Variants in EYS observed in about 807,000 individuals in gnomAD.
The protein encoded by EYS is EGF-like photoreceptor maintenance factor.
In EYS, 250 loss-of-function variants were observed where a neutral mutation model predicts 282.1. That is an observed-to-expected ratio of 0.89 (90% CI 0.80 to 0.98). EYS has a LOEUF of 0.98. EYS is among the 50% of genes least tolerant of loss of function. The pLI, the probability that EYS is intolerant of heterozygous loss-of-function variation, is 0.00. For synonymous variants in EYS, 1,355 were observed against 1,282.9 expected, an observed-to-expected ratio of 1.06 and a Z score of -1.20; for missense variants, 4,016 against 3,709.0, an observed-to-expected ratio of 1.08 and a Z score of -2.15.
At chr6:64,602,088 GACT>G (rs1766779784) in intron 24 of EYS, among the ~76,000 whole-genome samples, 1 of 151,792 alleles carries the variant, frequency 6.6e-6, no homozygotes, top group Non-Finnish European at 1.5e-5. Flanking sequence ...TTTTCCTTCT[GACT>G]ACTATAGTTT....
chr6:65,415,141 C>G (rs1315241593), intron 5 of EYS, among the ~76,000 whole-genome samples: 3 of 152,040 alleles, frequency 2.0e-5, no homozygotes, highest in African/African-American at 7.2e-5. Flanking sequence ...ATTAGTAGAA[C>G]TGTTTCTATG....
chr6:63,847,864 A>G (rs1772139891), intron 36 of EYS, among the ~76,000 whole-genome samples: 1 of 152,236 alleles, frequency 6.6e-6, no homozygotes, highest in African/African-American at 2.4e-5. Context: ...GCTCTTTGTC[A>G]AATGTTGAAT....
intron 34 of EYS, among the ~76,000 whole-genome samples, chr6:63,985,262 G>A (rs1404023199): frequency 6.6e-6 from 1 of 151,654 alleles, no homozygotes; most frequent in Non-Finnish European, 1.5e-5. Context: ...TCAGGGTGAT[G>A]CATCTATGGG....
chr6:64,119,063 T>C (rs1350899559), intron 31 of EYS, among the ~76,000 whole-genome samples: 1 of 152,130 alleles, frequency 6.6e-6, no homozygotes, highest in East Asian at 1.9e-4. Flanking sequence ...AATTATATCA[T>C]GTGCATTCTG....
intron 28 of EYS, among the ~76,000 whole-genome samples, chr6:64,396,523 A>T (rs1773383832): frequency 6.6e-6 from 1 of 151,846 alleles, no homozygotes; most frequent in Non-Finnish European, 1.5e-5. Context: ...GTTGTTCCTG[A>T]CTTACTCCAT....
chr6:64,417,136 A>G (rs557091529), intron 28 of EYS, among the ~76,000 whole-genome samples: 5 of 152,202 alleles, frequency 3.3e-5, no homozygotes, highest in African/African-American at 1.2e-4. Context: ...GCTTTTATAC[A>G]TTACAGTGAA....
At chr6:64,006,191 G>A (rs1044580803) in intron 33 of EYS, among the ~76,000 whole-genome samples, 3 of 151,880 alleles carry the variant, frequency 2.0e-5, no homozygotes, top group Non-Finnish European at 2.9e-5. Context: ...TTACCTCACT[G>A]GTTAGCTGTA....
intron 30 of EYS, among the ~76,000 whole-genome samples, chr6:64,272,270 T>C (rs192031308): frequency 1.1e-4 from 17 of 152,316 alleles, no homozygotes; most frequent in African/African-American, 2.9e-4. Flanking sequence ...TTTAGCCTGT[T>C]TACATTTAAG....
At chr6:65,071,353 T>C (rs1384172464) in intron 12 of EYS, among the ~76,000 whole-genome samples, 2 of 151,888 alleles carry the variant, frequency 1.3e-5, no homozygotes, top group Non-Finnish European at 2.9e-5. Context: ...GTTTGGAATA[T>C]GCACTTAAAG....
At chr6:64,576,158 G>A (rs532701746) in intron 26 of EYS, among the ~76,000 whole-genome samples, 1 of 152,154 alleles carries the variant, frequency 6.6e-6, no homozygotes, top group South Asian at 2.1e-4. Flanking sequence ...CTTTAGTGTG[G>A]TAGCATTTAC....
chr6:65,057,426 T>C (rs2150157564), intron 13 of EYS, among the ~76,000 whole-genome samples, 188 bp downstream of exon 13: 1 of 152,286 alleles, frequency 6.6e-6, no homozygotes, highest in Non-Finnish European at 1.5e-5. Context: ...TTAGTGTGTA[T>C]GTAAACAAAA....
chr6:64,657,932 T>A, intron 22 of EYS, among the ~76,000 whole-genome samples: 1 of 152,200 alleles, frequency 6.6e-6, no homozygotes. Flanking sequence ...TTCTCCTGGA[T>A]AATATCCTGC....
chr6:65,192,293 C>CTGTGTGTGTGTGTGTG (rs58238401), intron 12 of EYS, among the ~76,000 whole-genome samples: 5,160 of 142,794 alleles, frequency 0.036, 110 homozygotes, highest in Middle Eastern at 0.067. Flanking sequence ...TTTTTCTACT[C>CTGTGTGTGTGTGTGTG]TGTGTGTGTG....
intron 14 of EYS, among the ~76,000 whole-genome samples, chr6:64,957,911 AT>A (rs1769765652): frequency 6.6e-6 from 1 of 152,156 alleles, no homozygotes; most frequent in Non-Finnish European, 1.5e-5. Flanking sequence ...TAAATAGTTC[AT>A]TTAATCACCT....
At chr6:64,342,722 C>A (rs1428873484) in intron 29 of EYS, among the ~76,000 whole-genome samples, 2 of 151,958 alleles carry the variant, frequency 1.3e-5, no homozygotes, top group African/African-American at 4.8e-5. Flanking sequence ...ACAATACTAA[C>A]CTTAAATGTA....
chr6:65,076,986 A>G (rs1380399194), intron 12 of EYS, among the ~76,000 whole-genome samples: 15 of 152,050 alleles, frequency 9.9e-5, no homozygotes, highest in Non-Finnish European at 2.2e-4. Context: ...GGGCCTTAGA[A>G]GGAATAACAG....
chr6:64,100,686 ACTT>A lies in EYS; in HGVS notation c.6425-18687_6425-18685del, dbSNP rs559799424. Among the ~76,000 whole-genome samples the A allele has an allele frequency of 3.0e-3, 460 of 152,280 alleles. 3 individuals are homozygous for A. Among genetic ancestry groups the A allele is most frequent in the African/African-American group, 0.01 (427 of 41,568 alleles). ...AATATCCTGACACTTTCATACTGGC[ACTT>A]CTTATATTTCTAGTTGAGAATTTCT... On this transcript the variant is annotated intron_variant, in intron 31 of 42. Coordinates refer to ENST00000503581, the MANE Select transcript of EYS (RefSeq NM_001142800.2).
At chr6:63,998,634 C>A (rs532685269) in intron 34 of EYS, among the ~76,000 whole-genome samples, 1 of 152,258 alleles carries the variant, frequency 6.6e-6, no homozygotes, top group African/African-American at 2.4e-5. Flanking sequence ...TTAATTTAGA[C>A]TCATTCAATG....
At chr6:63,760,670 A>ATCTATCTG (rs1349690431) in intron 41 of EYS, among the ~76,000 whole-genome samples, 1 of 151,004 alleles carries the variant, frequency 6.6e-6, no homozygotes, top group African/African-American at 2.4e-5. Context: ...CTATCTATCT[A>ATCTATCTG]TCTATCTATC....
Sources: allele counts gnomAD v4.1 joint callset (sites outside exome capture counted in the v4.1 genomes callset), GRCh38; gene constraint gnomAD v4.1.1; transcripts MANE v1.5; gene names NCBI Gene and HGNC (gene_info 2026-07-23, HGNC 2026-07-21).